KIF26B: variants seen among roughly 807,000 people sequenced by gnomAD.
KIF26B encodes the protein kinesin family member 26B, also known as kinesin-like protein KIF26B.
In KIF26B, 63 loss-of-function variants were observed where a neutral mutation model predicts 151.2. The ratio of observed to expected loss-of-function variants is 0.42; its 90% CI spans 0.34 to 0.51. The LOEUF is 0.51. KIF26B is among the 20% of genes least tolerant of loss of function. The probability of loss-of-function intolerance (pLI) is 0.07; values close to 1 mark genes in which losing one functional copy is unlikely to be tolerated. For missense variants in KIF26B, 2,813 were observed against 2,913.6 expected, an observed-to-expected ratio of 0.97 and a Z score of 0.79; for synonymous variants, 1,357 against 1,262.1, an observed-to-expected ratio of 1.08 and a Z score of -1.59.
chr1:245,425,836 T>C (rs1658632333), intron 4 of KIF26B, among the ~76,000 whole-genome samples: 1 of 152,212 alleles, frequency 6.6e-6, no homozygotes, highest in African/African-American at 2.4e-5. Context: ...TTGGCAGAGC[T>C]GGTATCGCCA....
At chr1:245,310,762 C>T (rs1180367416) in intron 2 of KIF26B, among the ~76,000 whole-genome samples, 1 of 152,118 alleles carries the variant, frequency 6.6e-6, no homozygotes, top group African/African-American at 2.4e-5. Flanking sequence ...GGAGAGAGCC[C>T]AGGGGAGGGA....
At chr1:245,437,392 G>A (rs535671241) in intron 4 of KIF26B, among the ~76,000 whole-genome samples, 1 of 152,296 alleles carries the variant, frequency 6.6e-6, no homozygotes, top group South Asian at 2.1e-4. Context: ...TTAGGATCCT[G>A]AGCATTCAGT....
At chr1:245,418,109 T>C (rs956356681) in intron 3 of KIF26B, among the ~76,000 whole-genome samples, 1 of 152,238 alleles carries the variant, frequency 6.6e-6, no homozygotes, top group African/African-American at 2.4e-5. Context: ...CATCGCCACA[T>C]CCTCAGCTTT....
chr1:245,591,455 G>A (rs902992596), intron 5 of KIF26B, among the ~76,000 whole-genome samples: 2 of 152,190 alleles, frequency 1.3e-5, no homozygotes, highest in African/African-American at 2.4e-5. Context: ...CCGATTTATA[G>A]ATGTGGACAG....
At chr1:245,690,906 G>A (rs904335126) in intron 12 of KIF26B, among the ~76,000 whole-genome samples, 7 of 152,234 alleles carry the variant, frequency 4.6e-5, no homozygotes, top group African/African-American at 1.4e-4. Context: ...AGGGCCAAGG[G>A]CATTGAAACG....
At chr1:245,661,144 G>GC (rs1030410671) in intron 10 of KIF26B, among the ~76,000 whole-genome samples, 2 of 151,962 alleles carry the variant, frequency 1.3e-5, no homozygotes, top group African/African-American at 4.8e-5. Flanking sequence ...CTGCCACCAT[G>GC]CCCAGCTAAT....
intron 4 of KIF26B, among the ~76,000 whole-genome samples, chr1:245,505,574 G>A (rs1039287559): frequency 9.2e-5 from 14 of 151,878 alleles, no homozygotes; most frequent in East Asian, 7.8e-4. Flanking sequence ...TAGTAGAGAC[G>A]GGGTTTCACC....
At chr1:245,465,405 G>GA (rs1037632678) in intron 4 of KIF26B, among the ~76,000 whole-genome samples, 3 of 47,836 alleles carry the variant, frequency 6.3e-5, no homozygotes, top group African/African-American at 4.2e-4. Context: ...GTGACCAGGG[G>GA]AGGGGGAAAA....
chr1:245,244,756 T>TAACACA lies in KIF26B; in HGVS notation c.465+88073_465+88074insAACACA, dbSNP rs1553338154. On this transcript the variant is annotated intron_variant, in intron 2 of 14. Coordinates refer to ENST00000407071, the MANE Select transcript of KIF26B (RefSeq NM_018012.4). This position sits in a 1 kb window ranked among gnomAD's most constrained non-coding sequence, Gnocchi z 4.2. ...AGAAGGAACACACAGACACGCACACTCACACACACACACACACACACACAC... is the reference window on the plus strand; with the variant it reads ...AGAAGGAACACACAGACACGCACACTAACACACACACACACACACACACACACACAC... 2.1e-5 allele frequency among the ~76,000 whole-genome samples: 3 copies of TAACACA among 144,354 alleles called. No homozygotes were observed. The highest frequency in any genetic ancestry group is 7.7e-5 in the African/African-American group (3 of 39,114). 94.7% of individuals were successfully genotyped at this position (144,354 alleles called of 152,430 possible). A position where few individuals can be genotyped will look rare whatever the true frequency, so the allele number is the denominator to read the frequency against.
At chr1:245,365,498 T>C (rs4658756) in intron 2 of KIF26B, among the ~76,000 whole-genome samples, 1 of 145,754 alleles carries the variant, frequency 6.9e-6, no homozygotes. Flanking sequence ...TCCTGCCCCG[T>C]CACTGCCTCA....
At chr1:245,282,989 T>C in intron 2 of KIF26B, 1 of 303,986 alleles carries the variant, frequency 3.3e-6, no homozygotes, top group East Asian at 9.2e-5. Flanking sequence ...GAAAAACTTG[T>C]TCTGCTTGAG....
chr1:245,296,231 G>A (rs1348521361), intron 2 of KIF26B, among the ~76,000 whole-genome samples: 6 of 151,708 alleles, frequency 4.0e-5, no homozygotes, highest in African/African-American at 1.5e-4. Flanking sequence ...AGAGAACAGG[G>A]GTGCGCAGTG....
chr1:245,356,020 C>T (rs1046524599), intron 2 of KIF26B, among the ~76,000 whole-genome samples: 1 of 152,088 alleles, frequency 6.6e-6, no homozygotes, highest in Admixed American at 6.5e-5. Flanking sequence ...TTCCAGAGCC[C>T]GGCTCCCCAG....
At chr1:245,649,463 T>C (rs1341183240) in intron 10 of KIF26B, among the ~76,000 whole-genome samples, 1 of 152,188 alleles carries the variant, frequency 6.6e-6, no homozygotes, top group African/African-American at 2.4e-5. Context: ...CCCGATTTCT[T>C]TGATCAATTC....
chr1:245,179,395 G>A (rs760414214), intron 2 of KIF26B, among the ~76,000 whole-genome samples: 3 of 152,056 alleles, frequency 2.0e-5, no homozygotes, highest in African/African-American at 4.8e-5. Context: ...AGGCTGAGGC[G>A]CGTGGATCAC....
chr1:245,396,534 G>T (rs1369560810), intron 3 of KIF26B, among the ~76,000 whole-genome samples: 1 of 152,018 alleles, frequency 6.6e-6, no homozygotes, highest in African/African-American at 2.4e-5. Context: ...TACTCAGGAG[G>T]CTGAGGCAGG....
At chr1:245,354,733 C>T (rs919899527) in intron 2 of KIF26B, among the ~76,000 whole-genome samples, 2 of 152,164 alleles carry the variant, frequency 1.3e-5, no homozygotes, top group Non-Finnish European at 2.9e-5. Flanking sequence ...AGTACCTCCA[C>T]ATAAGGGAAA....
At chr1:245,366,144 C>G (rs1672944143) in intron 2 of KIF26B, among the ~76,000 whole-genome samples, 1 of 152,174 alleles carries the variant, frequency 6.6e-6, no homozygotes, top group Non-Finnish European at 1.5e-5. Context: ...GAATTGCACT[C>G]ACCCCATATC....
At chr1:245,453,477 G>T (rs1221412389) in intron 4 of KIF26B, among the ~76,000 whole-genome samples, 3 of 152,132 alleles carry the variant, frequency 2.0e-5, no homozygotes, top group Non-Finnish European at 4.4e-5. Flanking sequence ...TGACCAAGAA[G>T]AGTGCCTTTT....
Sources: allele counts gnomAD v4.1 joint callset (sites outside exome capture counted in the v4.1 genomes callset), GRCh38; gene constraint gnomAD v4.1.1; non-coding constraint Gnocchi (gnomAD v3.1); transcripts MANE v1.5; gene names NCBI Gene and HGNC (gene_info 2026-07-23, HGNC 2026-07-21).